MARCHF1: variants seen among roughly 807,000 people sequenced by gnomAD.
MARCHF1 encodes the protein membrane associated ring-CH-type finger 1, also known as E3 ubiquitin-protein ligase MARCHF1.
MARCHF1 carries 40 observed loss-of-function variants against 54.2 expected under a neutral mutation model. The ratio of observed to expected loss-of-function variants is 0.74; its 90% CI spans 0.57 to 0.96. MARCHF1 has a LOEUF of 0.96. MARCHF1 is among the 40% of genes least tolerant of loss of function. The pLI is 0.00. For missense variants in MARCHF1, 586 were observed against 656.5 expected (o/e 0.89, Z 1.17); for synonymous variants, 236 against 236.3 (o/e 1.00, Z 0.01).
chr4:163,692,397 G>T (rs1744489602), intron 5 of MARCHF1, among the ~76,000 whole-genome samples: 1 of 152,152 alleles, frequency 6.6e-6, no homozygotes, highest in African/African-American at 2.4e-5. Context: ...ATGTAACAGA[G>T]ACAAGGAAAC....
At chr4:163,545,857 T>C in intron 8 of MARCHF1, 114 bp from the exon 9 acceptor site, 1 of 825,980 alleles carries the variant, frequency 1.2e-6, no homozygotes, top group Non-Finnish European at 2.0e-6. Context: ...TATCTGCAAT[T>C]TCAGATGACA....
At position 163,935,992 on chromosome 4, in the gene MARCHF1, T is replaced by C. The variant is rs553241043; in HGVS notation, c.-39+52509A>G. ...TGATTTAAATTGAGAAATGTGTGACTTTTTCTTTCACTTGAACACTTAGTG... is the reference window on the plus strand; with the variant it reads ...TGATTTAAATTGAGAAATGTGTGACCTTTTCTTTCACTTGAACACTTAGTG... On this transcript the variant is annotated intron_variant, in intron 3 of 9. Transcript: ENST00000514618. Among the ~76,000 whole-genome samples the C allele has an allele frequency of 5.3e-5, 8 of 152,308 alleles. 1 individual carries two copies. In the East Asian group the frequency reaches 1.5e-3, roughly 29 times the overall value.
chr4:164,225,344 G>GT (rs1454735468), intron 1 of MARCHF1, among the ~76,000 whole-genome samples: 2 of 151,978 alleles, frequency 1.3e-5, no homozygotes, highest in East Asian at 3.9e-4. Flanking sequence ...ACAAATTCAA[G>GT]TAACTCCTCT....
At chr4:163,706,913 A>G (rs1320896093) in intron 4 of MARCHF1, among the ~76,000 whole-genome samples, 3 of 152,092 alleles carry the variant, frequency 2.0e-5, no homozygotes, top group Admixed American at 6.6e-5. Context: ...ATAGAAATTA[A>G]CTGAAAGATC....
intron 4 of MARCHF1, among the ~76,000 whole-genome samples, chr4:163,753,307 A>T (rs1746577884): frequency 6.6e-6 from 1 of 152,090 alleles, no homozygotes; most frequent in African/African-American, 2.4e-5. Context: ...TTTTATGAAA[A>T]AAGACTACTC....
intron 5 of MARCHF1, among the ~76,000 whole-genome samples, chr4:163,625,299 A>G (rs1278124462): frequency 1.3e-5 from 2 of 152,112 alleles, no homozygotes; most frequent in African/African-American, 2.4e-5. Flanking sequence ...CATTTATTTT[A>G]TCACCTGTAT....
chr4:164,127,185 G>A (rs1209418959), intron 1 of MARCHF1, among the ~76,000 whole-genome samples: 1 of 152,168 alleles, frequency 6.6e-6, no homozygotes, highest in East Asian at 1.9e-4. Context: ...TTTTGTGGAA[G>A]GTAGAACTTG....
chr4:164,361,038 T>C (rs1400859778), intron 1 of MARCHF1, among the ~76,000 whole-genome samples: 2 of 151,624 alleles, frequency 1.3e-5, no homozygotes, highest in Non-Finnish European at 2.9e-5. Context: ...CACTTGATGG[T>C]CTAGGGTCAT....
intron 3 of MARCHF1, among the ~76,000 whole-genome samples, chr4:163,878,400 G>T (rs755019219): frequency 6.6e-6 from 1 of 152,168 alleles, no homozygotes; most frequent in Non-Finnish European, 1.5e-5. Context: ...CATCAAAGAG[G>T]TATTATTGCT....
chr4:164,227,897 G>T (rs543441623), intron 1 of MARCHF1, among the ~76,000 whole-genome samples: 22 of 152,056 alleles, frequency 1.4e-4, no homozygotes, highest in Non-Finnish European at 2.5e-4. Context: ...ATACAGGCTG[G>T]TGATTAATAA....
intron 8 of MARCHF1, among the ~76,000 whole-genome samples, chr4:163,577,872 T>G (rs190104551): frequency 6.6e-6 from 1 of 152,034 alleles, no homozygotes; most frequent in Non-Finnish European, 1.5e-5. Context: ...GTTATTAATA[T>G]AGCTTTCAAT....
At chr4:163,660,276 C>T (rs1194706419) in intron 5 of MARCHF1, among the ~76,000 whole-genome samples, 2 of 152,062 alleles carry the variant, frequency 1.3e-5, no homozygotes, top group Non-Finnish European at 2.9e-5. Flanking sequence ...AGGTGGAAGC[C>T]ATTATTCTCA....
chr4:163,898,921 GAACT>G (rs1401948140), intron 3 of MARCHF1, among the ~76,000 whole-genome samples: 1 of 151,834 alleles, frequency 6.6e-6, no homozygotes, highest in African/African-American at 2.4e-5. Flanking sequence ...TATCCTAAGT[GAACT>G]AACTAGAAAA....
At chr4:164,027,210 T>C (rs1214597981) in intron 2 of MARCHF1, among the ~76,000 whole-genome samples, 1 of 151,678 alleles carries the variant, frequency 6.6e-6, no homozygotes, top group African/African-American at 2.4e-5. Context: ...ACCAGCATAA[T>C]TTTTCACAGC....
intron 1 of MARCHF1, among the ~76,000 whole-genome samples, chr4:164,215,786 AAAG>A (rs1253992158): frequency 1.3e-5 from 2 of 152,206 alleles, no homozygotes; most frequent in African/African-American, 4.8e-5. Context: ...CAACAGTCCT[AAAG>A]AACTATATTA....
intron 2 of MARCHF1, among the ~76,000 whole-genome samples, chr4:164,018,729 T>C (rs373288372): frequency 6.6e-6 from 1 of 152,214 alleles, no homozygotes; most frequent in Non-Finnish European, 1.5e-5. Flanking sequence ...AACTTCTTGA[T>C]AAATTAAACT....
chr4:164,273,397 C>T (rs10033907), intron 1 of MARCHF1, among the ~76,000 whole-genome samples: 97,208 of 151,892 alleles, frequency 0.64, 32,808 homozygotes, highest in Non-Finnish European at 0.77. Context: ...TCTCCCTTGA[C>T]ATGTGGGGAT....
Position 163,596,308 on chromosome 4 carries a change from G to A in MARCHF1, c.1011-10379C>T, listed in dbSNP as rs956343066. Among the ~76,000 whole-genome samples the A allele has an allele frequency of 4.6e-5, 7 of 151,946 alleles. No individual in the cohort carries two copies. In the South Asian group the frequency reaches 6.2e-4, roughly 14 times the overall value. ...TGTAATCTCAGCACTTTGGGAAGCCGAGGCAGGCAGATCACAAGGTCAGGA... is the reference window on the plus strand; with the variant it reads ...TGTAATCTCAGCACTTTGGGAAGCCAAGGCAGGCAGATCACAAGGTCAGGA... On this transcript the variant is annotated intron_variant, in intron 7 of 9. Coordinates refer to ENST00000514618, the MANE Select transcript of MARCHF1 (RefSeq NM_001394959.1).
intron 1 of MARCHF1, among the ~76,000 whole-genome samples, chr4:164,137,164 C>T (rs1369865424): frequency 6.6e-6 from 1 of 152,148 alleles, no homozygotes; most frequent in Non-Finnish European, 1.5e-5. Flanking sequence ...ACATTCACAG[C>T]TCTTATTATT....
Sources: allele counts gnomAD v4.1 joint callset (sites outside exome capture counted in the v4.1 genomes callset), GRCh38; gene constraint gnomAD v4.1.1; transcripts MANE v1.5; gene names NCBI Gene and HGNC (gene_info 2026-07-23, HGNC 2026-07-21).